The following POU2AF1 variants were observed in gnomAD, a reference collection of about 807,000 sequenced individuals.
POU2AF1 encodes the protein POU class 2 homeobox associating factor 1.
Under a neutral mutation model 26.3 loss-of-function variants are expected in POU2AF1, and 12 were observed. That is an observed-to-expected ratio of 0.46 (90% CI 0.29 to 0.74). The LOEUF is 0.74. POU2AF1 is among the 30% of genes least tolerant of loss of function. POU2AF1 has a pLI of 0.09. For missense variants in POU2AF1, 297 were observed against 334.5 expected (o/e 0.89, Z 0.87); for synonymous variants, 175 against 148.0 (o/e 1.18, Z -1.32).
intron 4 of POU2AF1, among the ~76,000 whole-genome samples, chr11:111,355,703 A>G (rs1860831014): frequency 6.6e-6 from 1 of 152,202 alleles, no homozygotes; most frequent in Non-Finnish European, 1.5e-5. Flanking sequence ...GTCCAGGGAC[A>G]AGAGTTTGAG....
chr11:111,353,284 G>T lies in POU2AF1; in HGVS notation c.*977C>A, dbSNP rs549326787. On this transcript the variant is annotated 3_prime_UTR_variant, in exon 5 of 5. Transcript: ENST00000393067. ...AAGCAATGCTTTCCTTTAGTTTATT[G>T]TTCTTCTTAATAACCAAGTAATCTG... 4.3e-6 allele frequency: 1 copy of T among 233,374 alleles called. No individual in the cohort carries two copies. The highest frequency in any genetic ancestry group is 8.5e-6 in the Non-Finnish European group (1 of 118,094). The allele number at this position is 233,374 out of a possible 1,614,324, so 14.5% of individuals were successfully genotyped here. A position where few individuals can be genotyped will look rare whatever the true frequency, so the allele number is the denominator to read the frequency against.
chr11:111,363,570 C>T, intron 1 of POU2AF1: 2 of 718,090 alleles, frequency 2.8e-6, no homozygotes, highest in Non-Finnish European at 3.5e-6. Context: ...GGTTGCCTCA[C>T]CTTGGGGATC....
rs76055470 is a variant in POU2AF1, at chr11:111,361,147, G to T, written c.17-2229C>A. 5.8e-3 allele frequency among the ~76,000 whole-genome samples: 890 copies of T among 152,228 alleles called. 14 individuals are homozygous for T. The highest frequency in any genetic ancestry group is 0.02 in the African/African-American group (822 of 41,536). On this transcript the variant is annotated intron_variant, in intron 1 of 4. Transcript: ENST00000393067. ...TTTCAAATATTTCTAGTGCCTAGGA[G>T]TACAGCACTGCACAGGACCCATGGA...
Position 111,358,935 on chromosome 11 carries a change from C to T in POU2AF1, c.17-17G>A, listed in dbSNP as rs1386220332. On this transcript the variant is annotated splice_polypyrimidine_tract_variant and intron_variant, in intron 1 of 4. Transcript: ENST00000393067. The stretch of plus-strand genomic sequence containing the variant: ...GAGCTGTGGCTGTGAAAAGCAATGT[C>T]CCTGGAGCCCATGGTCCTTCTCAGA... 6.3e-7 allele frequency: 1 copy of T among 1,591,764 alleles called. No homozygotes were observed. Among genetic ancestry groups the T allele is most frequent in the Non-Finnish European group, 8.5e-7 (1 of 1,174,144 alleles).
intron 1 of POU2AF1, among the ~76,000 whole-genome samples, chr11:111,371,189 T>C (rs909071373): frequency 7.9e-5 from 12 of 152,196 alleles, no homozygotes; most frequent in African/African-American, 2.7e-4. Context: ...CATTAAAAAG[T>C]AATTCAGTTT....
intron 1 of POU2AF1, among the ~76,000 whole-genome samples, chr11:111,373,385 C>A (rs1798779736): frequency 6.6e-6 from 1 of 152,174 alleles, no homozygotes; most frequent in Non-Finnish European, 1.5e-5. Flanking sequence ...ATGCCCAAGA[C>A]AATTTAATCA....
At chr11:111,371,346 C>T (rs141675089) in intron 1 of POU2AF1, among the ~76,000 whole-genome samples, 133 of 152,224 alleles carry the variant, frequency 8.7e-4, no homozygotes, top group African/African-American at 3.1e-3. Context: ...TTTCAGTTTT[C>T]GGTATCTATT....
At chr11:111,362,032 C>T (rs1323608968) in intron 1 of POU2AF1, among the ~76,000 whole-genome samples, 2 of 152,214 alleles carry the variant, frequency 1.3e-5, no homozygotes, top group Non-Finnish European at 2.9e-5. Context: ...TTGCCACTTT[C>T]CCTACTGCTG....
intron 2 of POU2AF1, among the ~76,000 whole-genome samples, chr11:111,358,057 C>T (rs1860888246): frequency 6.7e-6 from 1 of 150,154 alleles, no homozygotes; most frequent in African/African-American, 2.4e-5. Flanking sequence ...GAGCTGGTGT[C>T]TTCTTCTTCT....
rs920144317 is a variant in POU2AF1, at chr11:111,363,092, C to G, written c.17-4174G>C. 4.0e-6 allele frequency: 4 copies of G among 991,944 alleles called. No individual in the cohort carries two copies. In the African/African-American group the frequency reaches 5.2e-5, roughly 13 times the overall value. 61.4% of individuals were successfully genotyped at this position (991,944 alleles called of 1,614,324 possible). ...TGCTGTGGACAGAGAGTATCACCCT[C>G]TAATGTCTGGACTTCCTTGGAACTC... On this transcript the variant is annotated intron_variant, in intron 1 of 4. Coordinates refer to ENST00000393067, the MANE Select transcript of POU2AF1 (RefSeq NM_006235.3).
chr11:111,363,043 T>C, intron 1 of POU2AF1: 2 of 781,242 alleles, frequency 2.6e-6, no homozygotes, highest in South Asian at 5.9e-5. Flanking sequence ...TCTAAGTCGA[T>C]GAACAAAGAG....
chr11:111,373,736 C>A (rs1861255996), intron 1 of POU2AF1, among the ~76,000 whole-genome samples: 1 of 91,172 alleles, frequency 1.1e-5, no homozygotes, highest in African/African-American at 4.6e-5. Flanking sequence ...AAAGTAAAAC[C>A]CCTGGCTCCT....
chr11:111,358,547 TA>T (rs1860926735), intron 2 of POU2AF1, among the ~76,000 whole-genome samples: 1 of 94,996 alleles, frequency 1.1e-5, no homozygotes, highest in African/African-American at 3.9e-5. Flanking sequence ...CACAAACACA[TA>T]CACACTCACA....
At chr11:111,358,951 C>T in intron 1 of POU2AF1, 33 bp from the exon 2 acceptor site, 1 of 1,574,710 alleles carries the variant, frequency 6.4e-7, no homozygotes, top group Non-Finnish European at 8.6e-7. Flanking sequence ...AGCCCATGGT[C>T]CTTCTCAGAC....
Position 111,354,436 on chromosome 11 carries a change from G to A in POU2AF1, c.596C>T (p.Ala199Val). 3 of 1,614,078 alleles carry A rather than the reference G, an allele frequency of 1.9e-6. No individual in the cohort carries two copies. Among genetic ancestry groups the A allele is most frequent in the Middle Eastern group, 1.6e-4 (1 of 6,062 alleles). ...STLQYQPPAP[A>V]LPGPQFVQLP... is the part of the protein sequence containing the mutation. ...CTGGACAAACTGGGGCCCAGGTAGG[G>A]CTGGGGCCGGAGGCTGGTACTGCAG... The change falls in exon 5 of 5, where the codon GCC (alanine) becomes GTC (valine). Residue 199 changes from alanine (A) to valine (V), a missense_variant. Transcript: ENST00000393067.
intron 1 of POU2AF1, among the ~76,000 whole-genome samples, chr11:111,360,548 T>G (rs1393254544): frequency 6.6e-6 from 1 of 152,052 alleles, no homozygotes; most frequent in African/African-American, 2.4e-5. Context: ...GTATCTCAGG[T>G]GGACTTTAGA....
intron 2 of POU2AF1, among the ~76,000 whole-genome samples, chr11:111,358,356 ACT>A (rs1215652501): frequency 3.9e-5 from 3 of 76,548 alleles, no homozygotes; most frequent in African/African-American, 1.2e-4. Context: ...TCACACTCAC[ACT>A]CTCACACACT....
intron 4 of POU2AF1, 21 bp downstream of exon 4, chr11:111,357,424 T>A: frequency 6.2e-7 from 1 of 1,614,086 alleles, no homozygotes; most frequent in Non-Finnish European, 8.5e-7. Context: ...GCGGGTGCAG[T>A]CCTGCCTTTG....
At position 111,365,379 on chromosome 11, in the gene POU2AF1, C is replaced by A. The variant is rs531630705; in HGVS notation, c.17-6461G>T. On this transcript the variant is annotated intron_variant, in intron 1 of 4. Coordinates refer to ENST00000393067, the MANE Select transcript of POU2AF1 (RefSeq NM_006235.3). ...ATTTTTTAGGAACTTACCTAAACAA[C>A]AGGTAAACCTTGTAGCCGTACAAGG... 4.6e-5 allele frequency among the ~76,000 whole-genome samples: 7 copies of A among 152,248 alleles called. No individual in the cohort carries two copies. In the East Asian group the frequency reaches 1.4e-3, roughly 29 times the overall value.
Sources: allele counts gnomAD v4.1 joint callset (sites outside exome capture counted in the v4.1 genomes callset), GRCh38; gene constraint gnomAD v4.1.1; transcripts MANE v1.5; gene names NCBI Gene and HGNC (gene_info 2026-07-23, HGNC 2026-07-21).